SMC2: variants seen among roughly 807,000 people sequenced by gnomAD.
SMC2 encodes structural maintenance of chromosomes 2.
In SMC2, 41 loss-of-function variants were observed where a neutral mutation model predicts 142.6. That is an observed-to-expected ratio of 0.29 (90% CI 0.22 to 0.37). The LOEUF is 0.37. Among genes scored for constraint, SMC2 ranks in the 10% least tolerant of loss-of-function variants. The pLI is 1.00. For missense variants in SMC2, 1,265 were observed against 1,373.7 expected, an observed-to-expected ratio of 0.92 and a Z score of 1.25; for synonymous variants, 463 against 457.5, an observed-to-expected ratio of 1.01 and a Z score of -0.15.
chr9:104,131,179 T>C (rs1834919092), intron 21 of SMC2, among the ~76,000 whole-genome samples: 1 of 152,128 alleles, frequency 6.6e-6, no homozygotes, highest in South Asian at 2.1e-4. Flanking sequence ...ACAGCCTTGC[T>C]TGAAGGAAGA....
chr9:104,099,835 A>G lies in SMC2; in HGVS notation c.480+153A>G, dbSNP rs531059815. On this transcript the variant is annotated intron_variant, in intron 5 of 24. Transcript: ENST00000374793. ...GTATATTTGTGTAATATTTGGCACTATGCCCAAATATTAAAATTGATTTTG... is the reference window on the plus strand; with the variant it reads ...GTATATTTGTGTAATATTTGGCACTGTGCCCAAATATTAAAATTGATTTTG... 2.6e-5 allele frequency among the ~76,000 whole-genome samples: 4 copies of G among 152,198 alleles called. No homozygotes were observed. The South Asian group carries it at 6.2e-4, about 24-fold the overall frequency.
At chr9:104,101,928 G>T in intron 7 of SMC2, 32 bp from the exon 8 acceptor site, 1 of 1,317,742 alleles carries the variant, frequency 7.6e-7, no homozygotes, top group South Asian at 1.3e-5. Flanking sequence ...ATACAATTTT[G>T]AGTTATTCTT....
In SMC2 at chr9:104,114,815, G is replaced by T. The variant is rs61755309; in HGVS notation, c.1657G>T (p.Val553Leu). The T allele has an allele frequency of 5.6e-6, 9 of 1,609,754 alleles. No homozygotes were observed. The highest frequency in any genetic ancestry group is 4.0e-5 in the African/African-American group (3 of 74,832). The change falls in exon 13 of 25, where the codon GTA becomes TTA. Residue 553 changes from valine to leucine, a missense_variant. Transcript: ENST00000374793. ...LVAGERLYNV[V>L]VDTEVTGKKL... ...GGCTGGAGAACGACTCTACAATGTT[G>T]TAGTAGACACAGAAGTAAGTTGATT...
At chr9:104,134,689 T>C (rs7861902) in intron 23 of SMC2, 114 bp downstream of exon 23, 14,153 of 684,288 alleles carry the variant, frequency 0.021, 855 homozygotes, top group African/African-American at 0.18. Flanking sequence ...ATTTAAGGAG[T>C]CTAATATATA....
rs1198693178 is a variant in SMC2, at chr9:104,120,063, T to G, written c.2033T>G (p.Phe678Cys). 6.2e-7 allele frequency: 1 copy of G among 1,613,954 alleles called. No individual in the cohort carries two copies. The highest frequency in any genetic ancestry group is 1.1e-5 in the South Asian group (1 of 91,030). Residue 678 changes from phenylalanine (F) to cysteine (C), a missense_variant, in exon 16 of 25, where the codon TTT (phenylalanine) becomes TGT (cysteine). Coordinates refer to ENST00000374793, the MANE Select transcript of SMC2 (RefSeq NM_006444.3). ...RSQAASILTK[F>C]QELKDVQDEL... ...CAGGCAGCTTCCATTTTAACCAAGT[T>G]TCAAGAACTCAAAGATGTTCAGGAT...
rs372395337 is a variant in SMC2 at position 104,102,004 on chromosome 9, A to G, written c.681A>G (p.Ile227Met). 1 of 1,610,716 alleles carries G rather than the reference A, an allele frequency of 6.2e-7. No homozygotes were observed. Among genetic ancestry groups the G allele is most frequent in the South Asian group, 1.1e-5 (1 of 89,730 alleles). Residue 227 changes from isoleucine to methionine, a missense_variant, in exon 8 of 25, where the codon ATA becomes ATG. Transcript: ENST00000374793. ...YLEYQKVMRE[I>M]EHLSRLYIAY... Reference sequence around the variant, plus strand: ...AGTACCAAAAAGTAATGAGAGAAATAGAACATTTGAGTCGTTTATATATTG... The same window carrying G: ...AGTACCAAAAAGTAATGAGAGAAATGGAACATTTGAGTCGTTTATATATTG...
chr9:104,118,986 T>G (rs1833430606), intron 15 of SMC2, among the ~76,000 whole-genome samples: 1 of 152,182 alleles, frequency 6.6e-6, no homozygotes, highest in African/African-American at 2.4e-5. Context: ...TACAGAGTGC[T>G]TAAATAACGC....
At chr9:104,105,969 G>C (rs980506724) in intron 9 of SMC2, among the ~76,000 whole-genome samples, 2 of 152,204 alleles carry the variant, frequency 1.3e-5, no homozygotes, top group South Asian at 2.1e-4. Flanking sequence ...TGGGATCTCA[G>C]ATGTTCCCAA....
intron 3 of SMC2, among the ~76,000 whole-genome samples, chr9:104,096,657 A>T (rs186487321): frequency 1.3e-5 from 2 of 152,360 alleles, no homozygotes; most frequent in East Asian, 3.9e-4. Flanking sequence ...GAAAGTTAAC[A>T]GCTATAAGTT....
intron 21 of SMC2, among the ~76,000 whole-genome samples, chr9:104,130,204 C>T (rs577726866): frequency 6.6e-6 from 1 of 152,258 alleles, no homozygotes; most frequent in South Asian, 2.1e-4. Flanking sequence ...TAAGTAATGA[C>T]TAAAGCCATT....
In SMC2 at chr9:104,109,673, T is replaced by C. The variant is rs187945904; in HGVS notation, c.1021-1908T>C. ...ATTAGCAGATTTTTCTCAATAAATA[T>C]ATTGGAAAATTATTTGGAGGTTTGC... On this transcript the variant is annotated intron_variant, in intron 9 of 24. Transcript: ENST00000374793. Among the ~76,000 whole-genome samples the C allele has an allele frequency of 4.7e-4, 71 of 152,288 alleles. No homozygotes were observed. In the East Asian group the frequency reaches 0.011, roughly 24 times the overall value.
In SMC2 at chr9:104,102,024, A is replaced by G. The variant is rs1340184928; in HGVS notation, c.701A>G (p.Tyr234Cys). 6.2e-6 allele frequency: 10 copies of G among 1,613,120 alleles called. No individual in the cohort carries two copies. Among genetic ancestry groups the G allele is most frequent in the East Asian group, 2.2e-5 (1 of 44,744 alleles). ...MREIEHLSRLYIAYQFLLAED... is the reference protein window; with the variant it reads ...MREIEHLSRLCIAYQFLLAED... The stretch of plus-strand genomic sequence containing the variant: ...GAAATAGAACATTTGAGTCGTTTAT[A>G]TATTGCTTATCAGTTTTTGCTGGCT... The change falls in exon 8 of 25, where the codon TAT becomes TGT. Residue 234 changes from tyrosine to cysteine, a missense_variant. Physicochemically the swap from Tyr to Cys is radical, Grantham distance 194. Coordinates refer to ENST00000374793, the MANE Select transcript of SMC2 (RefSeq NM_006444.3).
intron 12 of SMC2, 83 bp from the exon 13 acceptor site, chr9:104,114,608 T>C: frequency 8.1e-7 from 1 of 1,238,256 alleles, no homozygotes; most frequent in Non-Finnish European, 1.1e-6. Context: ...TAATGTGTTG[T>C]CCAAAAGAGC....
chr9:104,102,523 C>G lies in SMC2; in HGVS notation c.970C>G (p.Leu324Val). The change falls in exon 9 of 25, where the codon CTG becomes GTG. Residue 324 changes from leucine (L) to valine (V), a missense_variant. Leu to Val is a conservative substitution (Grantham distance 32, BLOSUM62 1). Transcript: ENST00000374793. ...CGCATTTGATCTCAAGAAGAAAAAT[C>G]TGGCATGTGAGGAAAGCAAACGCAA... ...QSAFDLKKKN[L>V]ACEESKRKEL... is the part of the protein sequence containing the mutation. 1 of 1,613,576 alleles carries G rather than the reference C, an allele frequency of 6.2e-7. No homozygotes were observed. The highest frequency in any genetic ancestry group is 8.5e-7 in the Non-Finnish European group (1 of 1,179,760).
At chr9:104,137,204 T>C (rs920461865) in intron 23 of SMC2, among the ~76,000 whole-genome samples, 1 of 152,202 alleles carries the variant, frequency 6.6e-6, no homozygotes, top group Non-Finnish European at 1.5e-5. Flanking sequence ...TATGCCAGGA[T>C]GTACTTGAAG....
rs1484351079 is a variant in SMC2 at position 104,095,395 on chromosome 9, A to G, written c.11A>G (p.Lys4Arg). The G allele has an allele frequency of 6.2e-7, 1 of 1,612,840 alleles. No homozygotes were observed. The highest frequency in any genetic ancestry group is 2.2e-5 in the East Asian group (1 of 44,866). The change falls in exon 2 of 25, where the codon AAG (lysine) becomes AGG (arginine). Residue 4 changes from lysine to arginine, a missense_variant. Coordinates refer to ENST00000374793, the MANE Select transcript of SMC2 (RefSeq NM_006444.3). MHI[K>R]SIILEGFKSY... Reference sequence around the variant, plus strand: ...AAGACAGTATCGAAAATGCATATTAAGTCAATTATTCTAGAGGGATTCAAG... The same window carrying G: ...AAGACAGTATCGAAAATGCATATTAGGTCAATTATTCTAGAGGGATTCAAG...
At chr9:104,133,427 ATATT>A (rs545477130) in intron 22 of SMC2, among the ~76,000 whole-genome samples, 28 of 152,270 alleles carry the variant, frequency 1.8e-4, no homozygotes, top group African/African-American at 6.5e-4. Flanking sequence ...TAGTAAATCT[ATATT>A]TAGGATCACT....
At chr9:104,131,440 G>A (rs1379246549) in intron 21 of SMC2, among the ~76,000 whole-genome samples, 1 of 152,026 alleles carries the variant, frequency 6.6e-6, no homozygotes, top group African/African-American at 2.4e-5. Flanking sequence ...GATTGGTGCA[G>A]CAAGCCATCA....
At chr9:104,092,929 G>C (rs1054864281), upstream of SMC2, 1 of 152,150 alleles carries the variant, frequency 6.6e-6, no homozygotes, top group Admixed American at 6.5e-5. Context: ...TGGGAAGTGA[G>C]GAATGGGATT....
Sources: allele counts gnomAD v4.1 joint callset (sites outside exome capture counted in the v4.1 genomes callset), GRCh38; gene constraint gnomAD v4.1.1; transcripts MANE v1.5; gene names NCBI Gene and HGNC (gene_info 2026-07-23, HGNC 2026-07-21).